HMMR: variants seen among roughly 807,000 people sequenced by gnomAD.
The protein encoded by HMMR is intracellular hyaluronic acid-binding protein.
A neutral mutation model predicts 101.0 loss-of-function variants in HMMR; 108 were observed. The observed-to-expected ratio is 1.07, with a 90% confidence interval of 0.92 to 1.25. The LOEUF (loss-of-function observed/expected upper bound fraction) is 1.25. HMMR is among the 50% of genes most tolerant of loss of function. The pLI, the probability that HMMR is intolerant of heterozygous loss-of-function variation, is 0.00. For missense variants in HMMR, 813 were observed against 788.7 expected, an observed-to-expected ratio of 1.03 and a Z score of -0.37; for synonymous variants, 296 against 276.4, an observed-to-expected ratio of 1.07 and a Z score of -0.70.
chr5:163,484,039 TCTTAA>T (rs780110225), intron 15 of HMMR, 25 bp from the exon 16 acceptor site: 23 of 1,378,160 alleles, frequency 1.7e-5, no homozygotes, highest in South Asian at 3.8e-5. Context: ...CTGTTTTAAG[TCTTAA>T]CTTTATTTAA....
chr5:163,479,216 T>C (rs1463735959), intron 12 of HMMR, among the ~76,000 whole-genome samples: 1 of 152,206 alleles, frequency 6.6e-6, no homozygotes. Context: ...GAGACCCACA[T>C]TTATACTCAT....
chr5:163,474,199 A>T lies in HMMR; in HGVS notation c.1047A>T (p.Gln349His). 1 of 1,601,620 alleles carries T rather than the reference A, an allele frequency of 6.2e-7. No individual in the cohort carries two copies. The highest frequency in any genetic ancestry group is 8.5e-7 in the Non-Finnish European group (1 of 1,175,002). ...KELQIDSLLQ[Q>H]EKELSSSLHQ... The stretch of plus-strand genomic sequence containing the variant: ...TACAAATTGATTCACTTCTGCAACA[A>T]GAGAAAGTAATTTACCACCATATTT... Residue 349 changes from glutamine (Q) to histidine (H), a missense_variant, in exon 10 of 18, where the codon CAA (glutamine) becomes CAT (histidine). Gln to His is a conservative substitution (Grantham distance 24, BLOSUM62 0). Transcript: ENST00000393915.
rs1219447466 is a variant in HMMR, at chr5:163,471,380, A to G, written c.567A>G (p.Gln189=). 9 of 1,614,024 alleles carry G rather than the reference A, an allele frequency of 5.6e-6. No homozygotes were observed. Among genetic ancestry groups the G allele is most frequent in the Non-Finnish European group, 6.8e-6 (8 of 1,180,004 alleles). ...ETKMRGMMAK[Q]EGMEMKLQVT... is the part of the protein sequence containing the mutation. ...TTGTGTAGGGTATGATGGCTAAGCA[A>G]GAAGGCATGGAGATGAAGCTGCAGG... The change falls in exon 7 of 18, where the codon CAA becomes CAG. Residue 189 remains glutamine, a synonymous_variant. Coordinates refer to ENST00000393915, the MANE Select transcript of HMMR (RefSeq NM_001142556.2).
intron 16 of HMMR, among the ~76,000 whole-genome samples, chr5:163,488,276 G>C (rs1427584532): frequency 6.6e-6 from 1 of 152,118 alleles, no homozygotes; most frequent in African/African-American, 2.4e-5. Flanking sequence ...CGTCAGCCAG[G>C]CAGTAAGGAT....
intron 3 of HMMR, among the ~76,000 whole-genome samples, chr5:163,465,363 T>C (rs1307378006): frequency 6.6e-6 from 1 of 152,080 alleles, no homozygotes; most frequent in Admixed American, 6.6e-5. Flanking sequence ...AGATGGAGTA[T>C]CACTCTGTCA....
chr5:163,460,722 A>T lies in HMMR; in HGVS notation c.30A>T (p.Arg10=), dbSNP rs200318567. 36 of 1,608,588 alleles carry T rather than the reference A, an allele frequency of 2.2e-5. No homozygotes were observed. In the East Asian group the frequency reaches 6.7e-4, roughly 30 times the overall value. MSFPKAPLK[R]FNDPSGCAPS... ...CCTTTCCTAAGGCGCCCTTGAAACG[A>T]TTCAATGACCCTTCTGGTGCGTAAG... Residue 10 remains arginine, a synonymous_variant, in exon 1 of 18, where the codon CGA becomes CGT. Transcript: ENST00000393915.
At chr5:163,489,099 A>T (rs529334973) in intron 16 of HMMR, among the ~76,000 whole-genome samples, 14 of 152,178 alleles carry the variant, frequency 9.2e-5, no homozygotes, top group Non-Finnish European at 1.6e-4. Context: ...ATCATGAGGC[A>T]TTAGATTCTC....
At position 163,475,601 on chromosome 5, in the gene HMMR, G is replaced by T; in HGVS notation, c.1197G>T (p.Leu399=). 1 of 1,612,926 alleles carries T rather than the reference G, an allele frequency of 6.2e-7. No individual in the cohort carries two copies. The highest frequency in any genetic ancestry group is 8.5e-7 in the Non-Finnish European group (1 of 1,179,242). ...LQQKEEQAER[L]VKQLEEEAKS... Reference sequence around the variant, plus strand: ...AAAAGGAGGAACAAGCTGAAAGGCTGGTCAAGCAATTGGAAGAGGAAGCAA... The same window carrying T: ...AAAAGGAGGAACAAGCTGAAAGGCTTGTCAAGCAATTGGAAGAGGAAGCAA... The change falls in exon 11 of 18, where the codon CTG becomes CTT. Residue 399 remains leucine, a synonymous_variant. Coordinates refer to ENST00000393915, the MANE Select transcript of HMMR (RefSeq NM_001142556.2).
At chr5:163,483,447 C>T (rs921246267) in intron 15 of HMMR, 80 bp downstream of exon 15, 15 of 727,242 alleles carry the variant, frequency 2.1e-5, no homozygotes, top group Admixed American at 1.5e-4. Context: ...GACAGTGACT[C>T]GGGTTTTCTG....
Position 163,488,228 on chromosome 5 carries a change from G to A in HMMR, c.1963-2162G>A, listed in dbSNP as rs145546000. On this transcript the variant is annotated intron_variant, in intron 16 of 17. Transcript: ENST00000393915. ...ACATATGCAGATTTGTTACATGGGT[G>A]CATTGCATGATACTGAGGTTTAGGG... Among the ~76,000 whole-genome samples the A allele has an allele frequency of 8.5e-5, 13 of 152,230 alleles. No homozygotes were observed. In the East Asian group the frequency reaches 2.5e-3, roughly 29 times the overall value.
intron 3 of HMMR, 62 bp downstream of exon 3, chr5:163,464,864 T>C: frequency 1.0e-6 from 1 of 986,626 alleles, no homozygotes; most frequent in Non-Finnish European, 1.6e-6. Flanking sequence ...TCTGAAAGTA[T>C]TGTATTTGAT....
intron 16 of HMMR, among the ~76,000 whole-genome samples, chr5:163,485,614 A>C (rs375169916): frequency 6.6e-6 from 1 of 152,100 alleles, no homozygotes; most frequent in Admixed American, 6.6e-5. Context: ...CATTCTGTGC[A>C]TTGTCTTTTC....
At chr5:163,481,873 C>T (rs1038695675) in intron 12 of HMMR, among the ~76,000 whole-genome samples, 4 of 152,158 alleles carry the variant, frequency 2.6e-5, no homozygotes, top group Non-Finnish European at 5.9e-5. Context: ...TTCCTCATAG[C>T]TCTAGAGTGA....
intron 15 of HMMR, among the ~76,000 whole-genome samples, chr5:163,483,728 G>T (rs1467508899): frequency 6.6e-6 from 1 of 152,044 alleles, no homozygotes; most frequent in East Asian, 1.9e-4. Context: ...AATACTCATT[G>T]TTTCTCAATA....
At chr5:163,469,147 G>A (rs1974802) in intron 4 of HMMR, among the ~76,000 whole-genome samples, 29,116 of 151,632 alleles carry the variant, frequency 0.19, 3,217 homozygotes, top group South Asian at 0.42. Context: ...GGTGGATCAC[G>A]AGGTCAGGAG....
Position 163,469,776 on chromosome 5 carries a change from C to T in HMMR, c.409C>T (p.Leu137=), listed in dbSNP as rs763484662. ...KTSLSANNAT[L]EKQLIELTRT... ...ATCTCTCTCTGCAAATAATGCTACA[C>T]TGGAAAAACAACTTATTGAATTGAC... Residue 137 remains leucine (L), a synonymous_variant, in exon 5 of 18, where the codon CTG becomes TTG. Coordinates refer to ENST00000393915, the MANE Select transcript of HMMR (RefSeq NM_001142556.2). 3 of 1,611,994 alleles carry T rather than the reference C, an allele frequency of 1.9e-6. No homozygotes were observed. Among genetic ancestry groups the T allele is most frequent in the African/African-American group, 2.7e-5 (2 of 74,870 alleles).
At chr5:163,471,607 T>TA (rs1758893217) in intron 7 of HMMR, 144 bp downstream of exon 7, 1 of 597,058 alleles carries the variant, frequency 1.7e-6, no homozygotes, top group African/African-American at 1.9e-5. Context: ...TTTCTCTTTT[T>TA]AAACTAGAAT....
chr5:163,481,373 G>A (rs1437402271), intron 12 of HMMR, among the ~76,000 whole-genome samples: 2 of 151,868 alleles, frequency 1.3e-5, no homozygotes, highest in Non-Finnish European at 2.9e-5. Context: ...TTAGTTTGAA[G>A]AATAGTGCTT....
chr5:163,475,283 C>T (rs1759031842), intron 10 of HMMR, among the ~76,000 whole-genome samples, 175 bp from the exon 11 acceptor site: 1 of 152,002 alleles, frequency 6.6e-6, no homozygotes, highest in Admixed American at 6.6e-5. Context: ...ACAATGTTAA[C>T]AAGGTATAGG....
Sources: gnomAD v4.1 joint callset for allele counts (sites outside exome capture counted in the v4.1 genomes callset) on GRCh38, gnomAD v4.1.1 for gene constraint, MANE v1.5 for transcripts, NCBI Gene and HGNC (gene_info 2026-07-23, HGNC 2026-07-21) for gene names.